The following PLXNA4 variants were observed in gnomAD, a reference collection of about 807,000 sequenced individuals.
The protein encoded by PLXNA4 is plexin-A4.
PLXNA4 carries 44 observed loss-of-function variants against 191.8 expected under a neutral mutation model. That is an observed-to-expected ratio of 0.23 (90% confidence interval 0.18 to 0.29). The LOEUF (loss-of-function observed/expected upper bound fraction) is 0.29. PLXNA4 is among the 10% of genes least tolerant of loss of function. PLXNA4 has a pLI of 1.00. For missense variants in PLXNA4, 1,800 were observed against 2,488.8 expected (o/e 0.72, Z 5.89); for synonymous variants, 1,082 against 1,009.5 (o/e 1.07, Z -1.36).
intron 3 of PLXNA4, among the ~76,000 whole-genome samples, chr7:132,436,626 C>G (rs752107822): frequency 6.6e-6 from 1 of 152,206 alleles, no homozygotes; most frequent in Non-Finnish European, 1.5e-5. Flanking sequence ...CCTATGCATA[C>G]CCCTCCTCCA....
At chr7:132,166,517 G>C (rs1796128920) in intron 22 of PLXNA4, among the ~76,000 whole-genome samples, 1 of 151,748 alleles carries the variant, frequency 6.6e-6, no homozygotes, top group South Asian at 2.1e-4. Context: ...TGTCTGGATA[G>C]AGTTTAAAGT....
chr7:132,356,844 G>A (rs1563054503), intron 3 of PLXNA4, among the ~76,000 whole-genome samples: 1 of 152,204 alleles, frequency 6.6e-6, no homozygotes, highest in African/African-American at 2.4e-5. Flanking sequence ...TCCATGGGTG[G>A]CTCTCATATG....
chr7:132,263,032 A>C (rs1443672645), intron 4 of PLXNA4, among the ~76,000 whole-genome samples: 1 of 152,114 alleles, frequency 6.6e-6, no homozygotes, highest in Non-Finnish European at 1.5e-5. Flanking sequence ...ACCCCTCGTA[A>C]GCTTCCAGTG....
chr7:132,515,063 G>A (rs536639913), intron 1 of PLXNA4, among the ~76,000 whole-genome samples: 1 of 152,268 alleles, frequency 6.6e-6, no homozygotes, highest in African/African-American at 2.4e-5. Context: ...ATTGGATCAG[G>A]AATGAGAAAC....
At chr7:132,263,246 C>A (rs975161664) in intron 4 of PLXNA4, among the ~76,000 whole-genome samples, 1 of 152,306 alleles carries the variant, frequency 6.6e-6, no homozygotes, top group East Asian at 1.9e-4. Context: ...GCTGGCCCAC[C>A]ACCAGTGGGG....
intron 24 of PLXNA4, among the ~76,000 whole-genome samples, chr7:132,161,468 C>T (rs1412588679): frequency 6.6e-6 from 1 of 152,216 alleles, no homozygotes; most frequent in East Asian, 1.9e-4. Context: ...GATTTCTCTG[C>T]CAGGGAAGTG....
At chr7:132,587,063 A>G (rs1000053563) in intron 2 of PLXNA4, among the ~76,000 whole-genome samples, 2 of 152,254 alleles carry the variant, frequency 1.3e-5, no homozygotes, top group African/African-American at 4.8e-5. Flanking sequence ...GTCCCGCTCA[A>G]CTTTGAGATA....
chr7:132,212,966 C>T (rs1407652690), intron 9 of PLXNA4, among the ~76,000 whole-genome samples: 1 of 152,222 alleles, frequency 6.6e-6, no homozygotes, highest in Non-Finnish European at 1.5e-5. Context: ...ATGTTCACAA[C>T]AGCATCATTC....
At chr7:132,429,115 T>G (rs1348020847) in intron 3 of PLXNA4, among the ~76,000 whole-genome samples, 1 of 151,654 alleles carries the variant, frequency 6.6e-6, no homozygotes, top group Non-Finnish European at 1.5e-5. Flanking sequence ...CAGAACCACG[T>G]CCCCCTTCAA....
At chr7:132,438,166 A>G (rs1417270005) in intron 3 of PLXNA4, among the ~76,000 whole-genome samples, 1 of 152,204 alleles carries the variant, frequency 6.6e-6, no homozygotes. Flanking sequence ...AAGCATATTT[A>G]TAAATTGGGT....
At chr7:132,305,068 C>A (rs1368160295) in intron 3 of PLXNA4, among the ~76,000 whole-genome samples, 2 of 152,214 alleles carry the variant, frequency 1.3e-5, no homozygotes, top group Admixed American at 6.5e-5. Context: ...GGGGACCAAC[C>A]AGTCAGCCAG....
intron 14 of PLXNA4, among the ~76,000 whole-genome samples, chr7:132,192,656 T>G (rs918755947): frequency 6.6e-6 from 1 of 152,160 alleles, no homozygotes; most frequent in African/African-American, 2.4e-5. Context: ...AATCCATCAC[T>G]TCAGGCTTCC....
Position 132,452,633 on chromosome 7 carries a change from C to T in PLXNA4, c.1371+36659G>A, listed in dbSNP as rs149124576. 8.1e-3 allele frequency among the ~76,000 whole-genome samples: 1,240 copies of T among 152,296 alleles called. 10 individuals carry two copies. Among genetic ancestry groups the T allele is most frequent in the Middle Eastern group, 0.044 (13 of 294 alleles). On this transcript the variant is annotated intron_variant, in intron 3 of 31. Transcript: ENST00000321063. The stretch of plus-strand genomic sequence containing the variant: ...CCCTGGGGGCCTGATACTCTACCCT[C>T]TCGCTTCTGTGGGGAGAGATGCAAA...
intron 14 of PLXNA4, among the ~76,000 whole-genome samples, chr7:132,191,453 G>A (rs927102860): frequency 6.6e-6 from 1 of 152,168 alleles, no homozygotes; most frequent in Non-Finnish European, 1.5e-5. Flanking sequence ...GAACAGCCAG[G>A]TGATGGTGGC....
chr7:132,396,902 A>G (rs539897314), intron 3 of PLXNA4, among the ~76,000 whole-genome samples: 11 of 152,364 alleles, frequency 7.2e-5, no homozygotes, highest in African/African-American at 2.4e-4. Flanking sequence ...TTCTTTAGGG[A>G]AAGACCCTGC....
chr7:132,365,961 G>A (rs988019085), intron 3 of PLXNA4: 2 of 152,162 alleles, frequency 1.3e-5, no homozygotes, highest in African/African-American at 4.8e-5. Flanking sequence ...AGTAAGATGA[G>A]TTACAAGCCG....
At chr7:132,270,769 A>G (rs1415880834) in intron 4 of PLXNA4, among the ~76,000 whole-genome samples, 1 of 152,272 alleles carries the variant, frequency 6.6e-6, no homozygotes, top group Non-Finnish European at 1.5e-5. Context: ...TTTATCATTT[A>G]AAGTGCCTAC....
chr7:132,647,988 AAC>A lies in PLXNA4; in HGVS notation c.-203+524_-203+525del, dbSNP rs984344682. On this transcript the variant is annotated intron_variant, in intron 1 of 4. Transcript: ENST00000378539. ...ATATATACTCACATAAACACTCATG[AAC>A]ACACAGTCATATACCCACAAACACA... is the stretch of plus-strand genomic sequence containing the variant. Among the ~76,000 whole-genome samples the A allele has an allele frequency of 4.0e-4, 60 of 151,768 alleles. 1 individual carries two copies. The highest frequency in any genetic ancestry group is 2.8e-3 in the Admixed American group (43 of 15,232).
intron 30 of PLXNA4, 89 bp downstream of exon 30, chr7:132,140,510 C>A: frequency 6.6e-7 from 1 of 1,525,586 alleles, no homozygotes; most frequent in East Asian, 2.3e-5. Flanking sequence ...GGAAACACAG[C>A]TGGTTTTTGA....
Sources: allele counts gnomAD v4.1 joint callset (sites outside exome capture counted in the v4.1 genomes callset), GRCh38; gene constraint gnomAD v4.1.1; transcripts MANE v1.5; gene names NCBI Gene and HGNC (gene_info 2026-07-23, HGNC 2026-07-21).